RANBP3: variants seen among roughly 807,000 people sequenced by gnomAD.
RANBP3 encodes the protein RAN binding protein 3.
In RANBP3, 14 loss-of-function variants were observed where a neutral mutation model predicts 77.3. The ratio of observed to expected loss-of-function variants is 0.18; its 90% CI spans 0.12 to 0.28. The LOEUF (loss-of-function observed/expected upper bound fraction) is 0.28. RANBP3 is among the 10% of genes least tolerant of loss of function. The pLI is 1.00. For synonymous variants in RANBP3, 315 were observed against 312.4 expected (o/e 1.01, Z -0.09); for missense variants, 586 against 752.3 (o/e 0.78, Z 2.59).
chr19:5,918,296 G>A, intron 15 of RANBP3, 200 bp downstream of exon 15: 1 of 686,540 alleles, frequency 1.5e-6, no homozygotes, highest in Non-Finnish European at 2.4e-6. Flanking sequence ...GCTTCTCTGG[G>A]TTGAGAAGAG....
rs2057878213 is a variant in RANBP3 at position 5,924,750 on chromosome 19, C to T, written c.996+77G>A. Reference sequence around the variant, plus strand: ...CACATAGGACGACACAGCAGCCCTGCTCTCCATGTCCCCTTGACCTGTGGC... The same window carrying T: ...CACATAGGACGACACAGCAGCCCTGTTCTCCATGTCCCCTTGACCTGTGGC... On this transcript the variant is annotated intron_variant, in intron 11 of 16. Coordinates refer to ENST00000340578, the MANE Select transcript of RANBP3 (RefSeq NM_007322.3). The surrounding 1 kb of genome is among the most constrained non-coding windows in gnomAD (Gnocchi z 4.7). The T allele has an allele frequency of 4.3e-6, 6 of 1,410,022 alleles. No homozygotes were observed. The highest frequency in any genetic ancestry group is 1.4e-5 in the African/African-American group (1 of 70,612). 87.3% of individuals were successfully genotyped at this position (1,410,022 alleles called of 1,614,324 possible). A position where few individuals can be genotyped will look rare whatever the true frequency, so the allele number is the denominator to read the frequency against.
intron 9 of RANBP3, among the ~76,000 whole-genome samples, chr19:5,926,280 C>T (rs1292808343): frequency 2.0e-5 from 3 of 152,138 alleles, no homozygotes; most frequent in African/African-American, 7.2e-5. Flanking sequence ...GGCGCGGTGG[C>T]TCGTGCCTGT....
At chr19:5,925,339 G>C (rs1481912377) in intron 10 of RANBP3, 3 of 530,102 alleles carry the variant, frequency 5.7e-6, no homozygotes, top group Non-Finnish European at 1.0e-5. Context: ...CTGGGCATGA[G>C]GTCCACAAGA....
chr19:5,962,092 A>G (rs1212843734), intron 1 of RANBP3, among the ~76,000 whole-genome samples: 1 of 152,114 alleles, frequency 6.6e-6, no homozygotes, highest in Non-Finnish European at 1.5e-5. Flanking sequence ...GACCACGGCC[A>G]CAGCAGCTGA....
rs575704621 is a variant in RANBP3 at position 5,918,412 on chromosome 19, C to T, written c.1473+84G>A. 12 of 758,186 alleles carry T rather than the reference C, an allele frequency of 1.6e-5. No homozygotes were observed. The East Asian group carries it at 9.1e-4, about 58-fold the overall frequency. The allele number at this position is 758,186 out of a possible 1,614,324, so 47.0% of individuals were successfully genotyped here. On this transcript the variant is annotated intron_variant, in intron 15 of 16. Transcript: ENST00000340578. ...AGCCCCTCCCCCCTCCCCTCCCCAC[C>T]GTCCTGCCTGATCTGTGTGCCCAGG...
At chr19:5,936,840 G>A (rs1286940127) in intron 5 of RANBP3, among the ~76,000 whole-genome samples, 6 of 152,130 alleles carry the variant, frequency 3.9e-5, no homozygotes, top group South Asian at 2.1e-4. Flanking sequence ...GAACAAGCAC[G>A]TGGGGAGAAG....
chr19:5,925,816 C>T, intron 9 of RANBP3, 79 bp from the exon 10 acceptor site: 1 of 1,205,636 alleles, frequency 8.3e-7, no homozygotes. Flanking sequence ...TGCAGACCCC[C>T]TGAGCTGCAT....
At chr19:5,939,446 C>T (rs1442448015) in intron 5 of RANBP3, among the ~76,000 whole-genome samples, 1 of 152,204 alleles carries the variant, frequency 6.6e-6, no homozygotes, top group African/African-American at 2.4e-5. Flanking sequence ...TTTTCCCACA[C>T]CAATTGCTTT....
chr19:5,971,410 C>A (rs1341187516), intron 1 of RANBP3, among the ~76,000 whole-genome samples: 1 of 151,998 alleles, frequency 6.6e-6, no homozygotes, highest in East Asian at 1.9e-4. Flanking sequence ...GAGATCCTCC[C>A]ACCTCAGCCT....
chr19:5,927,114 T>C (rs549567220), intron 9 of RANBP3, among the ~76,000 whole-genome samples: 9 of 152,268 alleles, frequency 5.9e-5, no homozygotes, highest in Admixed American at 3.9e-4. Context: ...TCTCGAGCTT[T>C]GAAAGAAGCT....
intron 9 of RANBP3, 120 bp downstream of exon 9, chr19:5,927,848 C>T: frequency 7.4e-7 from 1 of 1,356,054 alleles, no homozygotes; most frequent in Non-Finnish European, 1.0e-6. Context: ...GGCTGCCTCG[C>T]TAACACCTTC....
Position 5,951,479 on chromosome 19 carries a change from G to A in RANBP3, c.196C>T (p.Pro66Ser), listed in dbSNP as rs2058274269. 2 of 1,610,990 alleles carry A rather than the reference G, an allele frequency of 1.2e-6. No individual in the cohort carries two copies. Among genetic ancestry groups the A allele is most frequent in the African/African-American group, 1.3e-5 (1 of 74,998 alleles). The change falls in exon 3 of 17, where the codon CCT (proline) becomes TCT (serine). Residue 66 changes from proline to serine, a missense_variant. Transcript: ENST00000340578. ...CTGGCTGAGGCGCCAGCAGGGGCAG[G>A]AGGTTCTAGGGCATGCTCGCCAGCT... is the stretch of plus-strand genomic sequence containing the variant. ...ESAGEHALEPPAPAGASASTP... is the reference protein window; with the variant it reads ...ESAGEHALEPSAPAGASASTP...
Position 5,921,325 on chromosome 19 carries a change from G to C in RANBP3, c.1210-4C>G. The C allele has an allele frequency of 6.2e-7, 1 of 1,613,104 alleles. No individual in the cohort carries two copies. The highest frequency in any genetic ancestry group is 8.5e-7 in the Non-Finnish European group (1 of 1,179,656). On this transcript the variant is annotated splice_polypyrimidine_tract_variant and splice_region_variant and intron_variant, in intron 13 of 16. Coordinates refer to ENST00000340578, the MANE Select transcript of RANBP3 (RefSeq NM_007322.3). This position sits in a 1 kb window ranked among gnomAD's most constrained non-coding sequence, Gnocchi z 5.3. Reference sequence around the variant, plus strand: ...AGACAAACAGCTTGCACTGCATCTGGAACACAGTGGCCGCCGGTAAGCAGG... The same window carrying C: ...AGACAAACAGCTTGCACTGCATCTGCAACACAGTGGCCGCCGGTAAGCAGG...
In RANBP3 at chr19:5,917,120, C is replaced by T. The variant is rs1366636357; in HGVS notation, c.*490G>A. The T allele has an allele frequency of 2.6e-5, 5 of 189,606 alleles. No homozygotes were observed. Among genetic ancestry groups the T allele is most frequent in the Middle Eastern group, 4.8e-4 (1 of 2,080 alleles). The allele number at this position is 189,606 out of a possible 1,614,324, so 11.7% of individuals were successfully genotyped here. A position where few individuals can be genotyped will look rare whatever the true frequency, so the allele number is the denominator to read the frequency against. On this transcript the variant is annotated 3_prime_UTR_variant, in exon 17 of 17. Coordinates refer to ENST00000340578, the MANE Select transcript of RANBP3 (RefSeq NM_007322.3). ...AATGGGCCCAGTGTCTACACTCGTA[C>T]GAGCAGCCCCCCAAGCTGGGCGGGG...
At chr19:5,923,549 C>T (rs1231121203) in intron 12 of RANBP3, among the ~76,000 whole-genome samples, 1 of 152,106 alleles carries the variant, frequency 6.6e-6, no homozygotes, top group Non-Finnish European at 1.5e-5. Context: ...GAGCAGTCGA[C>T]GGGGGGACAG....
intron 2 of RANBP3, among the ~76,000 whole-genome samples, chr19:5,955,223 C>T (rs1331315514): frequency 6.6e-6 from 1 of 152,176 alleles, no homozygotes; most frequent in Non-Finnish European, 1.5e-5. Context: ...CCTCCAGTCC[C>T]GGGTTCAAGC....
chr19:5,933,097 G>A (rs1355243660), intron 6 of RANBP3: 1 of 361,682 alleles, frequency 2.8e-6, no homozygotes, highest in Non-Finnish European at 5.1e-6. Flanking sequence ...GTGGTATGTG[G>A]GGGCCAGAAC....
rs998474294 is a variant in RANBP3 at position 5,924,989 on chromosome 19, T to C, written c.918-84A>G. The C allele has an allele frequency of 5.5e-6, 7 of 1,280,566 alleles. No individual in the cohort carries two copies. In the African/African-American group the frequency reaches 8.8e-5, roughly 16 times the overall value. 79.3% of individuals were successfully genotyped at this position (1,280,566 alleles called of 1,614,324 possible). A position where few individuals can be genotyped will look rare whatever the true frequency, so the allele number is the denominator to read the frequency against. On this transcript the variant is annotated intron_variant, in intron 10 of 16. Coordinates refer to ENST00000340578, the MANE Select transcript of RANBP3 (RefSeq NM_007322.3). The surrounding 1 kb of genome is among the most constrained non-coding windows in gnomAD (Gnocchi z 4.7). ...GTATGGGTACCCATGGAGCACACAC[T>C]GACACAGAGGGCACAGTGGAGGGGC...
intron 13 of RANBP3, among the ~76,000 whole-genome samples, chr19:5,922,797 T>A (rs1402581743): frequency 2.0e-5 from 3 of 152,080 alleles, no homozygotes; most frequent in South Asian, 2.1e-4. Flanking sequence ...AAAATTAGCC[T>A]GGCGTGGTGG....
Sources: gnomAD v4.1 joint callset for allele counts (sites outside exome capture counted in the v4.1 genomes callset) on GRCh38, gnomAD v4.1.1 for gene constraint, Gnocchi (gnomAD v3.1) non-coding constraint, MANE v1.5 for transcripts, NCBI Gene and HGNC (gene_info 2026-07-23, HGNC 2026-07-21) for gene names.